The following HTT variants were observed in gnomAD, a reference collection of about 807,000 sequenced individuals.
HTT encodes huntington disease protein.
HTT carries 104 observed loss-of-function variants against 362.3 expected under a neutral mutation model. The ratio of observed to expected loss-of-function variants is 0.29; its 90% CI spans 0.24 to 0.34. HTT has a LOEUF of 0.34. Among genes scored for constraint, HTT ranks in the 10% least tolerant of loss-of-function variants. The pLI is 1.00. For synonymous variants in HTT, 1,577 were observed against 1,548.7 expected, an observed-to-expected ratio of 1.02 and a Z score of -0.43; for missense variants, 3,301 against 3,928.6, an observed-to-expected ratio of 0.84 and a Z score of 4.27.
Position 3,211,975 on chromosome 4 carries a change from G to A in HTT, c.6461G>A (p.Ser2154Asn). Residue 2154 changes from serine to asparagine, a missense_variant, in exon 48 of 67, where the codon AGT becomes AAT. Ser to Asn is a conservative substitution (Grantham distance 46, BLOSUM62 1). Coordinates refer to ENST00000355072, the MANE Select transcript of HTT (RefSeq NM_001388492.1). ...LLAPCLSLGM[S>N]EISGGQKSAL... Reference sequence around the variant, plus strand: ...GCTCCATGCTTAAGCCTAGGGATGAGTGAAATTTCTGGTGGCCAGAAGAGT... The same window carrying A: ...GCTCCATGCTTAAGCCTAGGGATGAATGAAATTTCTGGTGGCCAGAAGAGT... 1.9e-6 allele frequency: 3 copies of A among 1,614,188 alleles called. No homozygotes were observed. The highest frequency in any genetic ancestry group is 2.5e-6 in the Non-Finnish European group (3 of 1,180,022).
chr4:3,125,543 T>C lies in HTT; in HGVS notation c.1322-6T>C. The C allele has an allele frequency of 1.2e-6, 2 of 1,607,424 alleles. No homozygotes were observed. The highest frequency in any genetic ancestry group is 8.5e-7 in the Non-Finnish European group (1 of 1,174,020). ...CTAAAAGGAATGTTGGTACATTATT[T>C]ACTAGGCAAAGTGCTCTTAGGAGAA... On this transcript the variant is annotated splice_polypyrimidine_tract_variant and splice_region_variant and intron_variant, in intron 10 of 66. Coordinates refer to ENST00000355072, the MANE Select transcript of HTT (RefSeq NM_001388492.1).
At chr4:3,183,173 C>T (rs1381237828) in intron 37 of HTT, among the ~76,000 whole-genome samples, 1 of 152,254 alleles carries the variant, frequency 6.6e-6, no homozygotes, top group Non-Finnish European at 1.5e-5. Context: ...TGAGCCACCT[C>T]GCCTGGCCTA....
At chr4:3,203,471 A>AG (rs773743835) in intron 41 of HTT, among the ~76,000 whole-genome samples, 6 of 152,256 alleles carry the variant, frequency 3.9e-5, no homozygotes, top group Non-Finnish European at 8.8e-5. Context: ...AAAGAAAAAA[A>AG]CAATAAAGTG....
rs183472209 is a variant in HTT at position 3,230,108 on chromosome 4, G to A, written c.8265+66G>A. 38 of 1,431,258 alleles carry A rather than the reference G, an allele frequency of 2.7e-5. No homozygotes were observed. The Admixed American group carries it at 5.1e-4, about 19-fold the overall frequency. The allele number at this position is 1,431,258 out of a possible 1,614,324, so 88.7% of individuals were successfully genotyped here. A position where few individuals can be genotyped will look rare whatever the true frequency, so the allele number is the denominator to read the frequency against. On this transcript the variant is annotated intron_variant, in intron 60 of 66. Transcript: ENST00000355072. ...CGGGGGCCCATCTGCCTTGGGACCT[G>A]GTGTTGGCCAGAGGTGCCGGGTGCG...
At chr4:3,204,178 G>C (rs1719733735) in intron 42 of HTT, 30 bp downstream of exon 42, 1 of 1,613,108 alleles carries the variant, frequency 6.2e-7, no homozygotes, top group Non-Finnish European at 8.5e-7. Flanking sequence ...AAACGGGGTT[G>C]AGGGAGGTGG....
intron 56 of HTT, among the ~76,000 whole-genome samples, chr4:3,224,385 G>A (rs1720814139): frequency 6.6e-6 from 1 of 152,246 alleles, no homozygotes; most frequent in Admixed American, 6.5e-5. Flanking sequence ...CTCACGGGCT[G>A]TAAGACCAGC....
intron 45 of HTT, among the ~76,000 whole-genome samples, chr4:3,207,944 G>C (rs1161793748): frequency 6.6e-6 from 1 of 152,018 alleles, no homozygotes; most frequent in African/African-American, 2.4e-5. Flanking sequence ...CGGGGTGGGG[G>C]GCAGGGATTG....
rs183460268 is a variant in HTT, at chr4:3,132,557, C to T, written c.2237-5C>T. 3.1e-6 allele frequency: 5 copies of T among 1,612,748 alleles called. No individual in the cohort carries two copies. In the East Asian group the frequency reaches 1.1e-4, roughly 36 times the overall value. ...GTTCCATGGCTGAGCAATTTATCTCCACAGAGGAACAGTATGTCTCAGACA... is the reference window on the plus strand; with the variant it reads ...GTTCCATGGCTGAGCAATTTATCTCTACAGAGGAACAGTATGTCTCAGACA... On this transcript the variant is annotated splice_polypyrimidine_tract_variant and splice_region_variant and intron_variant, in intron 16 of 66. Coordinates refer to ENST00000355072, the MANE Select transcript of HTT (RefSeq NM_001388492.1).
At chr4:3,132,358 A>G (rs903341274) in intron 16 of HTT, among the ~76,000 whole-genome samples, 1 of 151,804 alleles carries the variant, frequency 6.6e-6, no homozygotes, top group African/African-American at 2.4e-5. Context: ...TTGAGGACAT[A>G]TTGGCAATAT....
At position 3,131,187 on chromosome 4, in the gene HTT, C is replaced by A. The variant is rs1045011534; in HGVS notation, c.1987-99C>A. On this transcript the variant is annotated intron_variant, in intron 14 of 66. Transcript: ENST00000355072. ...CCAGGGCATCTCTTTATCCCCAGCA[C>A]CTGGCTTAAGTGCTGCTCTGGAACT... 4.0e-5 allele frequency: 36 copies of A among 898,128 alleles called. No individual in the cohort carries two copies. In the African/African-American group the frequency reaches 5.2e-4, roughly 13 times the overall value. The allele number at this position is 898,128 out of a possible 1,614,324, so 55.6% of individuals were successfully genotyped here.
chr4:3,201,782 G>T (rs1719586346), intron 41 of HTT, among the ~76,000 whole-genome samples: 1 of 152,168 alleles, frequency 6.6e-6, no homozygotes, highest in Non-Finnish European at 1.5e-5. Flanking sequence ...TTCCAGCTGT[G>T]GGTGGTGGGG....
rs747426121 is a variant in HTT, at chr4:3,199,986, G to C, written c.5576+47G>C. The C allele has an allele frequency of 8.7e-6, 13 of 1,494,942 alleles. No individual in the cohort carries two copies. In the Admixed American group the frequency reaches 2.1e-4, roughly 24 times the overall value. 92.6% of individuals were successfully genotyped at this position (1,494,942 alleles called of 1,614,324 possible). A position where few individuals can be genotyped will look rare whatever the true frequency, so the allele number is the denominator to read the frequency against. On this transcript the variant is annotated intron_variant, in intron 41 of 66. Coordinates refer to ENST00000355072, the MANE Select transcript of HTT (RefSeq NM_001388492.1). ...GCCCAGGGCGCCAGCCCAGCACCCT[G>C]TCCTGAGACTCCCAGTAACCTGAGC...
At chr4:3,076,564 T>A (rs1373929713) in intron 1 of HTT, among the ~76,000 whole-genome samples, 2 of 152,242 alleles carry the variant, frequency 1.3e-5, no homozygotes. Context: ...ATTTGGCTTA[T>A]CTCTTCAGTA....
intron 22 of HTT, among the ~76,000 whole-genome samples, chr4:3,142,391 G>C (rs1716393979): frequency 6.6e-6 from 1 of 152,132 alleles, no homozygotes; most frequent in South Asian, 2.1e-4. Context: ...ATGGGGGATA[G>C]AAATTGACAT....
intron 25 of HTT, among the ~76,000 whole-genome samples, chr4:3,147,793 C>T (rs1716679788): frequency 6.6e-6 from 1 of 152,120 alleles, no homozygotes; most frequent in African/African-American, 2.4e-5. Context: ...ACATCCTGGG[C>T]AGGTGTGTGG....
At chr4:3,097,769 T>C (rs1267691390) in intron 2 of HTT, among the ~76,000 whole-genome samples, 10 of 152,230 alleles carry the variant, frequency 6.6e-5, no homozygotes, top group Admixed American at 3.3e-4. Flanking sequence ...CAAGAAGATA[T>C]AGATAAGCTG....
chr4:3,210,898 G>GT (rs1293752552), intron 47 of HTT, among the ~76,000 whole-genome samples: 1 of 98,926 alleles, frequency 1.0e-5, no homozygotes, highest in African/African-American at 4.3e-5. Flanking sequence ...TACTAAAATT[G>GT]TTTATCTTTT....
chr4:3,236,201 C>T lies in HTT; in HGVS notation c.8838C>T (p.Pro2946=), dbSNP rs372373063. Reference sequence around the variant, plus strand: ...CTTCAGACCCTAATCCTGCAGCCCCCGACAGCGAGTCAGTGATTGTTGCTA... The same window carrying T: ...CTTCAGACCCTAATCCTGCAGCCCCTGACAGCGAGTCAGTGATTGTTGCTA... ...GRTSDPNPAA[P]DSESVIVAME... Residue 2946 remains proline (P), a synonymous_variant, in exon 64 of 67, where the codon CCC becomes CCT. Coordinates refer to ENST00000355072, the MANE Select transcript of HTT (RefSeq NM_001388492.1). 30 of 1,614,074 alleles carry T rather than the reference C, an allele frequency of 1.9e-5. No homozygotes were observed. The highest frequency in any genetic ancestry group is 4.0e-5 in the African/African-American group (3 of 74,934).
chr4:3,238,746 C>A (rs1049035285), intron 65 of HTT, 72 bp from the exon 66 acceptor site: 16 of 1,178,296 alleles, frequency 1.4e-5, no homozygotes, highest in Admixed American at 9.0e-5. Context: ...ACCCCACCCC[C>A]GCCACCCAGG....
Sources: allele counts gnomAD v4.1 joint callset (sites outside exome capture counted in the v4.1 genomes callset), GRCh38; gene constraint gnomAD v4.1.1; transcripts MANE v1.5; gene names NCBI Gene and HGNC (gene_info 2026-07-23, HGNC 2026-07-21).